CWF19L2: variants seen among roughly 807,000 people sequenced by gnomAD.
CWF19L2 encodes the protein CWF19-like protein 2.
Under a neutral mutation model 111.7 loss-of-function variants are expected in CWF19L2, and 98 were observed. The ratio of observed to expected loss-of-function variants is 0.88; its 90% confidence interval spans 0.75 to 1.04. The LOEUF is 1.04. Ranked by LOEUF, CWF19L2 falls within the 50% of genes least tolerant of loss-of-function variation. The pLI, the probability that CWF19L2 is intolerant of heterozygous loss-of-function variation, is 0.00. For missense variants in CWF19L2, 1,101 were observed against 1,051.4 expected, an observed-to-expected ratio of 1.05 and a Z score of -0.65; for synonymous variants, 351 against 342.9, an observed-to-expected ratio of 1.02 and a Z score of -0.26.
chr11:107,382,068 A>G (rs1591175002), intron 12 of CWF19L2, among the ~76,000 whole-genome samples: 1 of 152,174 alleles, frequency 6.6e-6, no homozygotes, highest in African/African-American at 2.4e-5. Context: ...ATGAGGAAAG[A>G]TGTATATAGA....
chr11:107,365,150 A>G (rs1363982899), intron 12 of CWF19L2, among the ~76,000 whole-genome samples: 2 of 142,496 alleles, frequency 1.4e-5, no homozygotes, highest in Admixed American at 1.4e-4. Context: ...TGAATAGACC[A>G]ATAAGAAGAG....
chr11:107,455,733 T>C lies in CWF19L2; in HGVS notation c.149A>G (p.Lys50Arg), dbSNP rs1257609209. 6.4e-7 allele frequency: 1 copy of C among 1,551,392 alleles called. No homozygotes were observed. The highest frequency in any genetic ancestry group is 8.7e-7 in the Non-Finnish European group (1 of 1,146,816). Residue 50 changes from lysine (K) to arginine (R), a missense_variant, in exon 2 of 18, where the codon AAG (lysine) becomes AGG (arginine). By Grantham distance (26) the Lys-to-Arg change is conservative. Transcript: ENST00000282251. ...CCATGTATCCTCACCCCGAAGTCGC[T>C]TAAGTTCTTTACGCCTTTCTTCTTT... ...FEKEERRKEL[K>R]RLRGEDTWML...
At chr11:107,333,785 C>T (rs1169813706) in intron 16 of CWF19L2, among the ~76,000 whole-genome samples, 7 of 152,138 alleles carry the variant, frequency 4.6e-5, no homozygotes, top group Non-Finnish European at 7.4e-5. Flanking sequence ...CTATTAGTTA[C>T]GTGACATGTA....
intron 3 of CWF19L2, among the ~76,000 whole-genome samples, chr11:107,450,027 G>A (rs1861756102): frequency 6.6e-6 from 1 of 151,082 alleles, no homozygotes. Context: ...ACATCTAATT[G>A]AAAAGTAAGA....
chr11:107,442,807 G>GGGGAGGGAGGGAGA (rs1677949067), intron 4 of CWF19L2, 132 bp downstream of exon 4: 11 of 396,996 alleles, frequency 2.8e-5, no homozygotes, highest in Admixed American at 1.2e-4. Context: ...AGGGAGGGAG[G>GGGGAGGGAGGGAGA]GAGGGAGGGA....
intron 11 of CWF19L2, among the ~76,000 whole-genome samples, chr11:107,390,845 A>G (rs1591179534): frequency 6.6e-6 from 1 of 152,266 alleles, no homozygotes; most frequent in East Asian, 1.9e-4. Context: ...AAAGGAGATT[A>G]ACATTTGAGT....
At chr11:107,368,249 A>G (rs1310304963) in intron 12 of CWF19L2, among the ~76,000 whole-genome samples, 1 of 137,648 alleles carries the variant, frequency 7.3e-6, no homozygotes, top group East Asian at 2.1e-4. Context: ...GAAATGTAAA[A>G]GCAGACATTA....
chr11:107,357,456 G>A (rs1860255565), intron 12 of CWF19L2, among the ~76,000 whole-genome samples: 1 of 152,074 alleles, frequency 6.6e-6, no homozygotes, highest in Non-Finnish European at 1.5e-5. Flanking sequence ...TTGTGTTTTT[G>A]GAAAGTTCAT....
intron 12 of CWF19L2, among the ~76,000 whole-genome samples, chr11:107,354,881 T>TTTTTCAATACA (rs1860212976): frequency 6.6e-6 from 1 of 152,198 alleles, no homozygotes; most frequent in Admixed American, 6.5e-5. Context: ...ATTCTACTCA[T>TTTTTCAATACA]TTTTCAATAC....
At chr11:107,437,604 T>C (rs1405756211) in intron 6 of CWF19L2, among the ~76,000 whole-genome samples, 1 of 152,036 alleles carries the variant, frequency 6.6e-6, no homozygotes, top group Non-Finnish European at 1.5e-5. Context: ...AAACATAAGA[T>C]GGAAAAGAAG....
intron 12 of CWF19L2, among the ~76,000 whole-genome samples, chr11:107,384,893 T>C (rs1475908327): frequency 1.3e-5 from 2 of 152,206 alleles, no homozygotes; most frequent in Non-Finnish European, 2.9e-5. Flanking sequence ...ACTAATCATT[T>C]TTAACTAATA....
At position 107,367,752 on chromosome 11, in the gene CWF19L2, T is replaced by C. The variant is rs111496540; in HGVS notation, c.1873-14016A>G. 3.2e-4 allele frequency among the ~76,000 whole-genome samples: 42 copies of C among 131,352 alleles called. 6 individuals carry two copies. The highest frequency in any genetic ancestry group is 1.2e-3 in the African/African-American group (39 of 32,234). 86.2% of individuals were successfully genotyped at this position (131,352 alleles called of 152,430 possible). On this transcript the variant is annotated intron_variant, in intron 12 of 17. Transcript: ENST00000282251. ...AGATGACGAGTTACTGGGTGCAGCG[T>C]ACCAGCATGGCACATGTATACATAT...
At chr11:107,412,463 C>A (rs1390720764) in intron 10 of CWF19L2, among the ~76,000 whole-genome samples, 1 of 152,170 alleles carries the variant, frequency 6.6e-6, no homozygotes. Flanking sequence ...GCCTCAGCCT[C>A]CCCAGTAGTT....
chr11:107,391,166 C>T (rs975658623), intron 11 of CWF19L2, among the ~76,000 whole-genome samples: 5 of 152,174 alleles, frequency 3.3e-5, no homozygotes, highest in South Asian at 2.1e-4. Flanking sequence ...AGCTTGCAGA[C>T]GGCCTATGTA....
chr11:107,363,088 A>G (rs1452737328), intron 12 of CWF19L2, among the ~76,000 whole-genome samples: 1 of 152,164 alleles, frequency 6.6e-6, no homozygotes, highest in Non-Finnish European at 1.5e-5. Flanking sequence ...GGAAGATGAA[A>G]TGAATGAAAT....
chr11:107,455,831 C>G (rs1325821138), intron 1 of CWF19L2, 55 bp from the exon 2 acceptor site: 3 of 1,065,454 alleles, frequency 2.8e-6, no homozygotes, highest in Non-Finnish European at 4.1e-6. Flanking sequence ...CTGGGTTTCA[C>G]AAAAAAAGGA....
chr11:107,453,959 T>C (rs1861816659), intron 3 of CWF19L2, among the ~76,000 whole-genome samples: 1 of 151,954 alleles, frequency 6.6e-6, no homozygotes, highest in South Asian at 2.1e-4. Flanking sequence ...GGACTGCCAT[T>C]CATAGGTTGA....
rs1346109075 is a variant in CWF19L2 at position 107,374,360 on chromosome 11, C to T, written c.1872+15714G>A. 1.2e-3 allele frequency among the ~76,000 whole-genome samples: 163 copies of T among 133,010 alleles called. 30 individuals carry two copies. Among genetic ancestry groups the T allele is most frequent in the African/African-American group, 4.7e-3 (150 of 31,882 alleles). 87.3% of individuals were successfully genotyped at this position (133,010 alleles called of 152,430 possible). ...GAAATGAAGGAAAAAATGTTAAGGG[C>T]AGCCAGAGAGAAAGGTTGGGTTACC... is the stretch of plus-strand genomic sequence containing the variant. On this transcript the variant is annotated intron_variant, in intron 12 of 17. Transcript: ENST00000282251.
rs1235007608 is a variant in CWF19L2 at position 107,374,026 on chromosome 11, G to C, written c.1872+16048C>G. Reference sequence around the variant, plus strand: ...ACTGGAAGAAAGGGTATCAGCAATGGAAGATGAACTGAATGAAATGAAACG... The same window carrying C: ...ACTGGAAGAAAGGGTATCAGCAATGCAAGATGAACTGAATGAAATGAAACG... On this transcript the variant is annotated intron_variant, in intron 12 of 17. Transcript: ENST00000282251. 7.3e-5 allele frequency among the ~76,000 whole-genome samples: 10 copies of C among 137,186 alleles called. 3 individuals are homozygous for C. The highest frequency in any genetic ancestry group is 1.2e-4 in the African/African-American group (4 of 33,980). 90.0% of individuals were successfully genotyped at this position (137,186 alleles called of 152,430 possible).
Sources: allele counts gnomAD v4.1 joint callset (sites outside exome capture counted in the v4.1 genomes callset), GRCh38; gene constraint gnomAD v4.1.1; transcripts MANE v1.5; gene names NCBI Gene and HGNC (gene_info 2026-07-23, HGNC 2026-07-21).